The following SOBP variants were observed in gnomAD, a reference collection of about 807,000 sequenced individuals.
SOBP encodes the protein sine oculis-binding protein homolog.
In SOBP, 4 loss-of-function variants were observed where a neutral mutation model predicts 53.6. The ratio of observed to expected loss-of-function variants is 0.07; its 90% confidence interval spans 0.04 to 0.17. SOBP has a LOEUF of 0.17. Among genes scored for constraint, SOBP ranks in the 10% least tolerant of loss-of-function variants. SOBP has a pLI of 1.00. For missense variants in SOBP, 1,088 were observed against 1,204.7 expected (o/e 0.90, Z 1.43); for synonymous variants, 584 against 522.6 (o/e 1.12, Z -1.60).
chr6:107,563,736 C>T (rs1355988185), intron 4 of SOBP, among the ~76,000 whole-genome samples: 2 of 151,982 alleles, frequency 1.3e-5, no homozygotes, highest in African/African-American at 2.4e-5. Flanking sequence ...CCAGTATGTC[C>T]GGAAAAGCAG....
intron 5 of SOBP, among the ~76,000 whole-genome samples, chr6:107,611,048 T>C (rs1583270817): frequency 6.6e-6 from 1 of 152,264 alleles, no homozygotes; most frequent in Non-Finnish European, 1.5e-5. Flanking sequence ...GAAGACTTGC[T>C]GTCCAGTTGT....
intron 6 of SOBP, among the ~76,000 whole-genome samples, chr6:107,637,328 A>G (rs1382545570): frequency 6.6e-6 from 1 of 152,236 alleles, no homozygotes. Context: ...GACCAGAGCA[A>G]GGAGACTTGT....
intron 1 of SOBP, among the ~76,000 whole-genome samples, chr6:107,497,653 ACTT>A (rs1782735746): frequency 6.6e-6 from 1 of 152,118 alleles, no homozygotes; most frequent in Non-Finnish European, 1.5e-5. Flanking sequence ...TCCTTTTAAA[ACTT>A]AATGTACTGT....
chr6:107,537,020 C>T (rs1209977979), intron 4 of SOBP, among the ~76,000 whole-genome samples: 1 of 152,190 alleles, frequency 6.6e-6, no homozygotes, highest in Non-Finnish European at 1.5e-5. Flanking sequence ...ACTAATAGCT[C>T]ACTCTTTTCC....
chr6:107,656,419 A>G (rs1772070121), intron 6 of SOBP, among the ~76,000 whole-genome samples: 1 of 152,246 alleles, frequency 6.6e-6, no homozygotes, highest in Non-Finnish European at 1.5e-5. Context: ...ACATTTCCAA[A>G]TCTGACCATG....
chr6:107,597,529 A>G (rs1243576961), intron 5 of SOBP, among the ~76,000 whole-genome samples: 5 of 152,238 alleles, frequency 3.3e-5, no homozygotes, highest in Non-Finnish European at 7.3e-5. Flanking sequence ...ATAAACAAGC[A>G]TTACTGAAGT....
intron 5 of SOBP, among the ~76,000 whole-genome samples, chr6:107,587,804 G>C (rs1481934372): frequency 6.6e-6 from 1 of 152,170 alleles, no homozygotes; most frequent in African/African-American, 2.4e-5. Flanking sequence ...AGCCAGACAA[G>C]ATGAAAAGCA....
intron 5 of SOBP, among the ~76,000 whole-genome samples, chr6:107,608,042 A>C (rs1482650851): frequency 6.6e-6 from 1 of 152,240 alleles, no homozygotes; most frequent in Non-Finnish European, 1.5e-5. Flanking sequence ...ATGCCATCTA[A>C]GGTAAGAGCC....
chr6:107,530,334 C>T (rs1269239968), intron 3 of SOBP, among the ~76,000 whole-genome samples: 4 of 152,084 alleles, frequency 2.6e-5, no homozygotes, highest in East Asian at 1.9e-4. Flanking sequence ...ATTTCATTTC[C>T]GTGTTTCAGG....
intron 5 of SOBP, among the ~76,000 whole-genome samples, chr6:107,609,955 C>G (rs1234987202): frequency 2.6e-5 from 4 of 152,174 alleles, no homozygotes; most frequent in Admixed American, 2.6e-4. Flanking sequence ...TCTTCCCACT[C>G]TAAATACACA....
At chr6:107,534,936 C>T (rs1284526155) in intron 4 of SOBP, among the ~76,000 whole-genome samples, 2 of 152,242 alleles carry the variant, frequency 1.3e-5, no homozygotes, top group South Asian at 2.1e-4. Context: ...CCGGGGCTCC[C>T]GTTTTGAATG....
intron 3 of SOBP, among the ~76,000 whole-genome samples, chr6:107,507,905 G>A (rs1783044600): frequency 6.6e-6 from 1 of 152,002 alleles, no homozygotes; most frequent in Admixed American, 6.5e-5. Context: ...GCAACGGGCT[G>A]AGCATTATGT....
At chr6:107,495,146 T>C (rs554343771) in intron 1 of SOBP, among the ~76,000 whole-genome samples, 24 of 152,346 alleles carry the variant, frequency 1.6e-4, no homozygotes, top group African/African-American at 3.4e-4. Context: ...TCACAAATTA[T>C]GTTAGACTCC....
intron 2 of SOBP, among the ~76,000 whole-genome samples, chr6:107,505,228 C>T (rs1002967170): frequency 6.6e-6 from 1 of 152,048 alleles, no homozygotes; most frequent in Non-Finnish European, 1.5e-5. Context: ...CTGGAGGGCA[C>T]GTTTTAGGCT....
chr6:107,618,473 A>G (rs914102730), intron 5 of SOBP, among the ~76,000 whole-genome samples: 3 of 152,180 alleles, frequency 2.0e-5, no homozygotes, highest in African/African-American at 4.8e-5. Flanking sequence ...GTGGCAGAGA[A>G]TGGCCAAAGG....
intron 1 of SOBP, among the ~76,000 whole-genome samples, chr6:107,494,679 A>G (rs1289414389): frequency 6.6e-6 from 1 of 152,228 alleles, no homozygotes; most frequent in Non-Finnish European, 1.5e-5. Context: ...ACTACAGGAG[A>G]ATCTGTGTTA....
At chr6:107,600,065 AAAACATGC>A (rs1335416792) in intron 5 of SOBP, among the ~76,000 whole-genome samples, 1 of 152,242 alleles carries the variant, frequency 6.6e-6, no homozygotes, top group Admixed American at 6.5e-5. Flanking sequence ...TTATGGTAAG[AAAACATGC>A]AAACAGAAAT....
chr6:107,646,250 T>C (rs1771550468), intron 6 of SOBP, among the ~76,000 whole-genome samples: 1 of 152,276 alleles, frequency 6.6e-6, no homozygotes, highest in African/African-American at 2.4e-5. Flanking sequence ...CCATTGTCTC[T>C]GGACAGTGAG....
intron 5 of SOBP, among the ~76,000 whole-genome samples, chr6:107,620,602 T>TTCC (rs1367987746): frequency 6.6e-6 from 1 of 152,204 alleles, no homozygotes; most frequent in Admixed American, 6.5e-5. Flanking sequence ...CACAGTTCTT[T>TTCC]TCCTCCTCCT....
Sources: gnomAD v4.1 joint callset for allele counts (sites outside exome capture counted in the v4.1 genomes callset) on GRCh38, gnomAD v4.1.1 for gene constraint, MANE v1.5 for transcripts, NCBI Gene and HGNC (gene_info 2026-07-23, HGNC 2026-07-21) for gene names.